The following OPCML variants were observed in gnomAD, a reference collection of about 807,000 sequenced individuals.
OPCML encodes the protein opioid-binding protein/cell adhesion molecule.
In OPCML, 13 loss-of-function variants were observed where a neutral mutation model predicts 37.8. The observed-to-expected ratio is 0.34, with a 90% CI of 0.22 to 0.55. The LOEUF is 0.55. Among genes scored for constraint, OPCML ranks in the 20% least tolerant of loss-of-function variants. The pLI is 0.91. For synonymous variants in OPCML, 176 were observed against 168.8 expected (o/e 1.04, Z -0.33); for missense variants, 341 against 435.6 (o/e 0.78, Z 1.93).
chr11:133,328,519 G>A (rs1943535014), intron 1 of OPCML, among the ~76,000 whole-genome samples: 1 of 152,120 alleles, frequency 6.6e-6, no homozygotes, highest in Non-Finnish European at 1.5e-5. Context: ...ATATAGTAAT[G>A]CAATACTCAA....
intron 1 of OPCML, among the ~76,000 whole-genome samples, chr11:133,136,582 G>C (rs959622197): frequency 1.3e-5 from 2 of 152,046 alleles, no homozygotes; most frequent in African/African-American, 4.8e-5. Context: ...TGGGAGGAAG[G>C]GCATTCCAGG....
In OPCML at chr11:132,967,795, G is replaced by A. The variant is rs201118955; in HGVS notation, c.62-24785C>T. Among the ~76,000 whole-genome samples the A allele has an allele frequency of 2.0e-5, 3 of 152,178 alleles. No individual in the cohort carries two copies. In the East Asian group the frequency reaches 5.8e-4, roughly 29 times the overall value. On this transcript the variant is annotated intron_variant, in intron 1 of 7. Transcript: ENST00000524381. ...CCCTTTCTTTCAGCCTCAAGACTATGCTGCAGTATTTCTTGTAAGGTGGTC... is the reference window on the plus strand; with the variant it reads ...CCCTTTCTTTCAGCCTCAAGACTATACTGCAGTATTTCTTGTAAGGTGGTC...
intron 2 of OPCML, among the ~76,000 whole-genome samples, chr11:132,851,178 G>A (rs554560777): frequency 6.6e-6 from 1 of 152,326 alleles, no homozygotes; most frequent in Non-Finnish European, 1.5e-5. Flanking sequence ...ATTATACACA[G>A]TGCCAATATC....
intron 1 of OPCML, among the ~76,000 whole-genome samples, chr11:133,496,170 T>C (rs1016729717): frequency 7.9e-5 from 12 of 152,210 alleles, no homozygotes; most frequent in African/African-American, 2.7e-4. Flanking sequence ...CTTTTCCCAC[T>C]TTATGTTTTT....
chr11:133,295,657 AC>A (rs1470571582), intron 1 of OPCML, among the ~76,000 whole-genome samples: 1 of 152,216 alleles, frequency 6.6e-6, no homozygotes, highest in Non-Finnish European at 1.5e-5. Flanking sequence ...TAGACAGAGC[AC>A]CCCAGAGGGC....
chr11:132,427,888 G>A (rs2095983000), intron 7 of OPCML, among the ~76,000 whole-genome samples: 1 of 152,182 alleles, frequency 6.6e-6, no homozygotes, highest in African/African-American at 2.4e-5. Context: ...TTTCTACTAT[G>A]TTGACATTTT....
intron 1 of OPCML, among the ~76,000 whole-genome samples, chr11:133,258,451 C>T (rs962229849): frequency 1.3e-5 from 2 of 152,136 alleles, no homozygotes; most frequent in African/African-American, 4.8e-5. Context: ...AGCACGTGAC[C>T]TACAGGCACA....
At chr11:133,268,070 A>G (rs1565539099) in intron 1 of OPCML, among the ~76,000 whole-genome samples, 1 of 152,138 alleles carries the variant, frequency 6.6e-6, no homozygotes, top group Admixed American at 6.5e-5. Context: ...TGATGTAACA[A>G]TGGCCCTGAC....
intron 4 of OPCML, among the ~76,000 whole-genome samples, chr11:132,491,315 T>C (rs1462302093): frequency 6.6e-6 from 1 of 152,220 alleles, no homozygotes; most frequent in Non-Finnish European, 1.5e-5. Context: ...CTCCTTACAA[T>C]GGCCTGGACT....
intron 1 of OPCML, among the ~76,000 whole-genome samples, chr11:133,120,847 G>A (rs571007450): frequency 1.2e-4 from 18 of 152,170 alleles, no homozygotes; most frequent in Non-Finnish European, 2.2e-4. Flanking sequence ...CCAATGGCCA[G>A]GAAGATACTG....
At chr11:133,052,596 C>A (rs1948151627) in intron 1 of OPCML, among the ~76,000 whole-genome samples, 1 of 152,186 alleles carries the variant, frequency 6.6e-6, no homozygotes. Flanking sequence ...TAGAGAGCAA[C>A]CTCTATGTCC....
chr11:132,926,485 A>C (rs1157568265), intron 2 of OPCML, among the ~76,000 whole-genome samples: 1 of 152,206 alleles, frequency 6.6e-6, no homozygotes, highest in Non-Finnish European at 1.5e-5. Flanking sequence ...ATGTGTATAC[A>C]GGAATGGAAA....
At chr11:132,825,036 TCTA>T (rs1017477448) in intron 2 of OPCML, among the ~76,000 whole-genome samples, 1 of 152,224 alleles carries the variant, frequency 6.6e-6, no homozygotes, top group African/African-American at 2.4e-5. Context: ...TGCTTCAGTC[TCTA>T]CTATGTTGTT....
rs887593049 is a variant in OPCML, at chr11:132,779,037, C to T, written c.147-121718G>A. Reference sequence around the variant, plus strand: ...GGCTGGAGTGCAGTGGTGCCATCTCCGCTCACTGCAACCTCCACCTCGGGG... The same window carrying T: ...GGCTGGAGTGCAGTGGTGCCATCTCTGCTCACTGCAACCTCCACCTCGGGG... On this transcript the variant is annotated intron_variant, in intron 2 of 7. Coordinates refer to ENST00000524381, the MANE Select transcript of OPCML (RefSeq NM_001012393.5). Among the ~76,000 whole-genome samples the T allele has an allele frequency of 6.8e-5, 10 of 146,588 alleles. No homozygotes were observed. The South Asian group carries it at 8.6e-4, about 13-fold the overall frequency.
rs1222449537 is a variant in OPCML, at chr11:132,943,126, G to T, written c.62-116C>A. The T allele has an allele frequency of 6.2e-7, 1 of 1,613,820 alleles. No individual in the cohort carries two copies. Among genetic ancestry groups the T allele is most frequent in the Admixed American group, 1.7e-5 (1 of 60,012 alleles). On this transcript the variant is annotated intron_variant, in intron 1 of 7. Coordinates refer to ENST00000524381, the MANE Select transcript of OPCML (RefSeq NM_001012393.5). This position sits in a 1 kb window ranked among gnomAD's most constrained non-coding sequence, Gnocchi z 4.3. ...GCCACAACTTCCCAGGACTCCGGCA[G>T]CCGCACAGTCCTGGTCCCCCGCCCC...
intron 3 of OPCML, among the ~76,000 whole-genome samples, chr11:132,637,756 C>A (rs1000695368): frequency 6.6e-6 from 1 of 152,116 alleles, no homozygotes; most frequent in African/African-American, 2.4e-5. Context: ...CCTGGCAGTG[C>A]TCAGGACACA....
At chr11:133,427,542 AAACT>A (rs58210610) in intron 1 of OPCML, among the ~76,000 whole-genome samples, 24,748 of 151,962 alleles carry the variant, frequency 0.16, 2,138 homozygotes, top group African/African-American at 0.2. Context: ...AGTTTCCTGA[AAACT>A]AACAGGATAA....
intron 1 of OPCML, among the ~76,000 whole-genome samples, chr11:133,021,619 C>A (rs548703454): frequency 1.3e-5 from 2 of 152,364 alleles, no homozygotes; most frequent in Non-Finnish European, 2.9e-5. Flanking sequence ...AAGGTATGAG[C>A]CACATGTTAT....
intron 4 of OPCML, among the ~76,000 whole-genome samples, chr11:132,483,523 A>T (rs1274650790): frequency 6.6e-6 from 1 of 152,172 alleles, no homozygotes; most frequent in Non-Finnish European, 1.5e-5. Context: ...TGCCGTCCCC[A>T]TCAAGCTACC....
Sources: gnomAD v4.1 joint callset for allele counts (sites outside exome capture counted in the v4.1 genomes callset) on GRCh38, gnomAD v4.1.1 for gene constraint, Gnocchi (gnomAD v3.1) non-coding constraint, MANE v1.5 for transcripts, NCBI Gene and HGNC (gene_info 2026-07-23, HGNC 2026-07-21) for gene names.